The following SLCO4C1 variants were observed in gnomAD, a reference collection of about 807,000 sequenced individuals.
SLCO4C1 encodes the protein solute carrier organic anion transporter family member 4C1.
A neutral mutation model predicts 72.1 loss-of-function variants in SLCO4C1; 58 were observed. That is an observed-to-expected ratio of 0.80 (90% CI 0.65 to 1.00). The LOEUF (loss-of-function observed/expected upper bound fraction) is 1.00, where lower values mean the gene tolerates loss of function less well. Ranked by LOEUF, SLCO4C1 falls within the 50% of genes least tolerant of loss-of-function variation. The probability of loss-of-function intolerance (pLI) is 0.00; values close to 1 mark genes in which losing one functional copy is unlikely to be tolerated. For missense variants in SLCO4C1, 898 were observed against 857.9 expected (o/e 1.05, Z -0.58); for synonymous variants, 297 against 312.5 (o/e 0.95, Z 0.52).
intron 1 of SLCO4C1, among the ~76,000 whole-genome samples, chr5:102,294,570 C>G (rs1270374737): frequency 6.6e-6 from 1 of 152,078 alleles, no homozygotes; most frequent in Non-Finnish European, 1.5e-5. Flanking sequence ...TTACTTGTGT[C>G]CAACTTTTTT....
intron 9 of SLCO4C1, among the ~76,000 whole-genome samples, chr5:102,247,994 G>A (rs1262487673): frequency 7.1e-6 from 1 of 141,226 alleles, no homozygotes; most frequent in Non-Finnish European, 1.5e-5. Flanking sequence ...AACCAAATAT[G>A]CAGATGACAC....
chr5:102,267,839 C>A (rs1483573656), intron 3 of SLCO4C1, among the ~76,000 whole-genome samples: 1 of 151,866 alleles, frequency 6.6e-6, no homozygotes, highest in African/African-American at 2.4e-5. Flanking sequence ...TTCTTAATTT[C>A]TTCATTGGCA....
At chr5:102,245,570 G>A (rs1195662412) in intron 10 of SLCO4C1, among the ~76,000 whole-genome samples, 1 of 152,094 alleles carries the variant, frequency 6.6e-6, no homozygotes, top group Non-Finnish European at 1.5e-5. Flanking sequence ...TAAAGAGAGA[G>A]ACAGGCCTTG....
chr5:102,295,804 C>A lies in SLCO4C1; in HGVS notation c.355+104G>T, dbSNP rs957087747. 4.2e-5 allele frequency: 50 copies of A among 1,184,352 alleles called. No individual in the cohort carries two copies. In the Admixed American group the frequency reaches 1.4e-3, roughly 32 times the overall value. 73.4% of individuals were successfully genotyped at this position (1,184,352 alleles called of 1,614,324 possible). On this transcript the variant is annotated intron_variant, in intron 1 of 12. Transcript: ENST00000310954. Reference sequence around the variant, plus strand: ...CCCGGGGCCACCTTGCAGGGCGCGTCCACCGTCCCACGGACCCCGCGCACC... The same window carrying A: ...CCCGGGGCCACCTTGCAGGGCGCGTACACCGTCCCACGGACCCCGCGCACC...
chr5:102,270,157 A>G (rs892715141), intron 3 of SLCO4C1, among the ~76,000 whole-genome samples: 2 of 152,180 alleles, frequency 1.3e-5, no homozygotes, highest in Admixed American at 6.5e-5. Context: ...TTGCAGGAAC[A>G]TAAGAGAAGG....
At chr5:102,280,477 T>G (rs114330463) in intron 2 of SLCO4C1, among the ~76,000 whole-genome samples, 3 of 151,790 alleles carry the variant, frequency 2.0e-5, no homozygotes, top group Non-Finnish European at 4.4e-5. Flanking sequence ...ATAAATGGAG[T>G]ATAAATCCAT....
chr5:102,264,773 C>T (rs942887109), intron 3 of SLCO4C1, among the ~76,000 whole-genome samples: 1 of 151,994 alleles, frequency 6.6e-6, no homozygotes, highest in African/African-American at 2.4e-5. Flanking sequence ...TCCATATCCT[C>T]CCCTTCCCAT....
rs983031277 is a variant in SLCO4C1 at position 102,291,338 on chromosome 5, C to A, written c.619+5G>T. ...AAAACAAACATAAACACAATAGAAA[C>A]TTACCTTCAAAAAGAGACCCCAATT... On this transcript the variant is annotated splice_donor_5th_base_variant and intron_variant, in intron 2 of 12. Coordinates refer to ENST00000310954, the MANE Select transcript of SLCO4C1 (RefSeq NM_180991.5). 6.2e-7 allele frequency: 1 copy of A among 1,609,680 alleles called. No individual in the cohort carries two copies. Among genetic ancestry groups the A allele is most frequent in the Non-Finnish European group, 8.5e-7 (1 of 1,178,734 alleles).
chr5:102,291,706 T>TTTTTAAATGTACCAGTTTTCAAAGG, intron 1 of SLCO4C1, 100 bp from the exon 2 acceptor site: 3 of 936,626 alleles, frequency 3.2e-6, no homozygotes, highest in Non-Finnish European at 4.3e-6. Flanking sequence ...TTCTTTTTTT[T>TTTTTAAATGTACCAGTTTTCAAAGG]CTTAAAATGT....
intron 8 of SLCO4C1, among the ~76,000 whole-genome samples, chr5:102,254,657 C>G (rs77325075): frequency 0.034 from 5,135 of 152,250 alleles, 99 homozygotes; most frequent in African/African-American, 0.056. Flanking sequence ...AAAATTACAA[C>G]TTGCTGAAGG....
At chr5:102,263,159 A>T (rs186388439) in intron 4 of SLCO4C1, among the ~76,000 whole-genome samples, 5 of 152,322 alleles carry the variant, frequency 3.3e-5, no homozygotes, top group Admixed American at 1.3e-4. Context: ...TAGCACATAA[A>T]ATAAGTTAAC....
intron 12 of SLCO4C1, among the ~76,000 whole-genome samples, chr5:102,237,987 G>T (rs866514200): frequency 6.6e-6 from 1 of 152,084 alleles, no homozygotes; most frequent in Non-Finnish European, 1.5e-5. Flanking sequence ...TAAATTCAAC[G>T]TGGTCTCACA....
intron 3 of SLCO4C1, 84 bp from the exon 4 acceptor site, chr5:102,263,864 A>G: frequency 9.9e-7 from 1 of 1,007,876 alleles, no homozygotes; most frequent in Non-Finnish European, 1.5e-6. Flanking sequence ...ATATTTTACT[A>G]CAGAAAAATC....
intron 6 of SLCO4C1, 46 bp from the exon 7 acceptor site, chr5:102,258,133 T>C (rs1453499603): frequency 2.8e-6 from 4 of 1,444,196 alleles, no homozygotes; most frequent in Non-Finnish European, 3.7e-6. Flanking sequence ...TATGATTGTA[T>C]TGCAAAGTAC....
intron 3 of SLCO4C1, among the ~76,000 whole-genome samples, chr5:102,267,583 G>GTTT (rs543701401): frequency 1.1e-3 from 144 of 132,662 alleles, no homozygotes; most frequent in African/African-American, 2.4e-3. Flanking sequence ...ATCTTCTGTA[G>GTTT]TTTTTTTTTT....
At chr5:102,266,712 T>G (rs1426697315) in intron 3 of SLCO4C1, among the ~76,000 whole-genome samples, 9 of 152,148 alleles carry the variant, frequency 5.9e-5, no homozygotes, top group Admixed American at 5.9e-4. Flanking sequence ...CTTCAGTTCT[T>G]AGAGGAAAGG....
chr5:102,240,034 G>A (rs1292084674), intron 11 of SLCO4C1, among the ~76,000 whole-genome samples: 2 of 151,984 alleles, frequency 1.3e-5, no homozygotes, highest in Admixed American at 1.3e-4. Flanking sequence ...CCTGTAGCAT[G>A]ATACAAGTCA....
chr5:102,258,490 G>A (rs1199340433), intron 6 of SLCO4C1, among the ~76,000 whole-genome samples: 7 of 152,110 alleles, frequency 4.6e-5, no homozygotes, highest in Non-Finnish European at 8.8e-5. Flanking sequence ...TTAAGACTAT[G>A]AGCAGAGATG....
chr5:102,250,613 A>C (rs1748720807), intron 8 of SLCO4C1, among the ~76,000 whole-genome samples: 1 of 152,160 alleles, frequency 6.6e-6, no homozygotes, highest in Admixed American at 6.6e-5. Context: ...TGCCTTTTAG[A>C]AGCACCAAGG....
Sources: gnomAD v4.1 joint callset for allele counts (sites outside exome capture counted in the v4.1 genomes callset) on GRCh38, gnomAD v4.1.1 for gene constraint, MANE v1.5 for transcripts, NCBI Gene and HGNC (gene_info 2026-07-23, HGNC 2026-07-21) for gene names.